FBXW10B: variants seen among roughly 807,000 people sequenced by gnomAD.
FBXW10B encodes the protein F-box and WD repeat domain containing protein 10B.
the FBXW10B span, among the ~76,000 whole-genome samples, chr17:15,585,497 A>G: frequency 4.3e-4 from 65 of 152,272 alleles, no homozygotes; most frequent in South Asian, 1.4e-3. Flanking sequence ...AACTGAAGAG[A>G]AATGGATTCC....
At chr17:15,596,885 A>G in the FBXW10B span, among the ~76,000 whole-genome samples, 1 of 152,146 alleles carries the variant, frequency 6.6e-6, no homozygotes, top group Non-Finnish European at 1.5e-5. Context: ...TGGTTGAGGG[A>G]GCCCGCAATC....
chr17:15,598,366 T>C, the FBXW10B span: 2 of 728,118 alleles, frequency 2.7e-6, no homozygotes, highest in Non-Finnish European at 1.6e-6. Context: ...GATGGATTGA[T>C]TGATAGATGG....
the FBXW10B span, chr17:15,574,266 T>C: frequency 1.7e-6 from 1 of 575,788 alleles, no homozygotes; most frequent in East Asian, 2.9e-5. Flanking sequence ...AAAAAATGAT[T>C]GTCTTATCAT....
chr17:15,607,179 T>TG, the FBXW10B span, among the ~76,000 whole-genome samples: 1 of 150,536 alleles, frequency 6.6e-6, no homozygotes, highest in Non-Finnish European at 1.5e-5. Flanking sequence ...TTAATGGTGG[T>TG]TATTGCTAGG....
At chr17:15,565,732 A>G in the FBXW10B span, 10 of 1,613,976 alleles carry the variant, frequency 6.2e-6, no homozygotes, top group Non-Finnish European at 8.5e-6. Flanking sequence ...CACGGTCAAC[A>G]GCACGAACTC....
the FBXW10B span, among the ~76,000 whole-genome samples, chr17:15,590,173 A>G: frequency 6.6e-6 from 1 of 151,262 alleles, no homozygotes; most frequent in African/African-American, 2.4e-5. Context: ...CATCTCCCAC[A>G]TGGGGCTAAT....
At chr17:15,588,735 G>A in the FBXW10B span, 19 of 740,702 alleles carry the variant, frequency 2.6e-5, no homozygotes, top group East Asian at 4.8e-4. Context: ...GAATCAGCCA[G>A]ATCAGTGCTG....
the FBXW10B span, among the ~76,000 whole-genome samples, chr17:15,597,622 A>T: frequency 6.6e-6 from 1 of 151,740 alleles, no homozygotes; most frequent in Non-Finnish European, 1.5e-5. Context: ...ACAGAGCAAG[A>T]CTCCATCTCA....
At chr17:15,596,453 G>C in the FBXW10B span, 7 of 1,390,356 alleles carry the variant, frequency 5.0e-6, no homozygotes, top group Admixed American at 2.2e-5. Context: ...GCTAGGTAGG[G>C]GGAGCCCACC....
At chr17:15,592,464 G>A in the FBXW10B span, among the ~76,000 whole-genome samples, 1 of 152,024 alleles carries the variant, frequency 6.6e-6, no homozygotes, top group Non-Finnish European at 1.5e-5. Context: ...TGAGCTTGAA[G>A]TAGAATTTAC....
chr17:15,572,470 T>C, the FBXW10B span: 2 of 152,250 alleles, frequency 1.3e-5, no homozygotes, highest in Non-Finnish European at 2.9e-5. Context: ...TCTCTGGATG[T>C]TACACTCTGT....
chr17:15,583,671 A>G, the FBXW10B span, among the ~76,000 whole-genome samples: 1 of 151,262 alleles, frequency 6.6e-6, no homozygotes, highest in African/African-American at 2.4e-5. Flanking sequence ...CCAGGAAAGA[A>G]GAAGCTCAGC....
At chr17:15,570,645 A>G in the FBXW10B span, among the ~76,000 whole-genome samples, 3 of 152,266 alleles carry the variant, frequency 2.0e-5, no homozygotes, top group Non-Finnish European at 2.9e-5. Flanking sequence ...CTGGAAAGAA[A>G]TGAAATTCTT....
chr17:15,599,157 G>C, the FBXW10B span, among the ~76,000 whole-genome samples: 1 of 136,498 alleles, frequency 7.3e-6, no homozygotes. Context: ...CTTGCCAATA[G>C]AGCGAGACTC....
chr17:15,596,679 C>T, the FBXW10B span: 2 of 1,611,384 alleles, frequency 1.2e-6, no homozygotes, highest in East Asian at 4.5e-5. Context: ...AGGAGGGAGA[C>T]AGAGGAAGAC....
At chr17:15,614,319 G>A in the FBXW10B span, among the ~76,000 whole-genome samples, 1 of 151,976 alleles carries the variant, frequency 6.6e-6, no homozygotes, top group African/African-American at 2.4e-5. Context: ...CTCCTGAGTA[G>A]CTGGGACTAC....
chr17:15,594,345 G>A, the FBXW10B span, among the ~76,000 whole-genome samples: 1,093 of 151,662 alleles, frequency 7.2e-3, 20 homozygotes, highest in African/African-American at 0.025. Context: ...GGTGGTGGGC[G>A]CCTGTAGTCC....
At chr17:15,599,757 G>A in the FBXW10B span, among the ~76,000 whole-genome samples, 5 of 152,004 alleles carry the variant, frequency 3.3e-5, no homozygotes, top group South Asian at 1.0e-3. Context: ...TTCCGCTTCA[G>A]CTAGGCTGCT....
the FBXW10B span, among the ~76,000 whole-genome samples, chr17:15,569,988 C>T: frequency 7.2e-5 from 11 of 152,286 alleles, no homozygotes; most frequent in African/African-American, 2.6e-4. Flanking sequence ...TATTAATGCT[C>T]TTGTCACACG....
Sources: allele counts gnomAD v4.1 joint callset (sites outside exome capture counted in the v4.1 genomes callset), GRCh38; gene constraint gnomAD v4.1.1; transcripts MANE v1.5; gene names NCBI Gene and HGNC (gene_info 2026-07-23, HGNC 2026-07-21).